ADAM12: variants seen among roughly 807,000 people sequenced by gnomAD.
ADAM12 encodes ADAM metallopeptidase domain 12, also known as disintegrin and metalloproteinase domain-containing protein 12.
ADAM12 carries 70 observed loss-of-function variants against 106.4 expected under a neutral mutation model. The observed-to-expected ratio is 0.66, with a 90% confidence interval of 0.54 to 0.80. The LOEUF is 0.80. Among genes scored for constraint, ADAM12 ranks in the 30% least tolerant of loss-of-function variants. ADAM12 has a pLI of 0.00. For synonymous variants in ADAM12, 420 were observed against 433.5 expected (o/e 0.97, Z 0.39); for missense variants, 1,010 against 1,171.9 (o/e 0.86, Z 2.02).
chr10:126,327,794 A>G (rs1338653468), intron 2 of ADAM12, among the ~76,000 whole-genome samples: 1 of 152,206 alleles, frequency 6.6e-6, no homozygotes, highest in Non-Finnish European at 1.5e-5. Context: ...TACCAGAGAA[A>G]GAAGGTCACA....
intron 3 of ADAM12, among the ~76,000 whole-genome samples, chr10:126,255,121 C>T (rs1958865808): frequency 6.6e-6 from 1 of 152,182 alleles, no homozygotes; most frequent in African/African-American, 2.4e-5. Context: ...ACTTGTCCTG[C>T]AATGCCACCC....
chr10:126,071,434 G>A, intron 12 of ADAM12, 43 bp downstream of exon 12: 1 of 1,602,428 alleles, frequency 6.2e-7, no homozygotes, highest in Non-Finnish European at 8.5e-7. Context: ...CCTAGCCGAG[G>A]ATACAAGTCT....
chr10:126,130,896 G>A (rs986485182), intron 5 of ADAM12, among the ~76,000 whole-genome samples: 1 of 152,136 alleles, frequency 6.6e-6, no homozygotes, highest in African/African-American at 2.4e-5. Flanking sequence ...AGGTAAATAG[G>A]AGCTATTAGG....
chr10:126,039,470 C>A, intron 18 of ADAM12, 41 bp from the exon 19 acceptor site: 1 of 1,612,178 alleles, frequency 6.2e-7, no homozygotes. Context: ...GAGGCAGTTA[C>A]AATGAAATAT....
At chr10:126,375,073 A>T (rs1270556722) in intron 1 of ADAM12, among the ~76,000 whole-genome samples, 2 of 152,158 alleles carry the variant, frequency 1.3e-5, no homozygotes. Flanking sequence ...AAAAGAAAAA[A>T]ATCGCCAACC....
intron 3 of ADAM12, among the ~76,000 whole-genome samples, chr10:126,200,005 C>A (rs1261131219): frequency 6.6e-6 from 1 of 152,190 alleles, no homozygotes; most frequent in East Asian, 1.9e-4. Flanking sequence ...TATAGTCCAT[C>A]AACAGAAGGA....
chr10:126,329,392 G>GT (rs1484828687), intron 2 of ADAM12, among the ~76,000 whole-genome samples: 17 of 151,998 alleles, frequency 1.1e-4, no homozygotes, highest in South Asian at 2.1e-4. Flanking sequence ...CTCTTTTACT[G>GT]TATCTATTAT....
chr10:126,027,295 T>C (rs1953891804), intron 21 of ADAM12, among the ~76,000 whole-genome samples: 1 of 151,486 alleles, frequency 6.6e-6, no homozygotes, highest in African/African-American at 2.4e-5. Context: ...CTACAAGAGG[T>C]AGAAAATAGA....
chr10:126,266,748 T>C (rs1342905949), intron 3 of ADAM12, among the ~76,000 whole-genome samples: 2 of 152,068 alleles, frequency 1.3e-5, no homozygotes, highest in Non-Finnish European at 2.9e-5. Context: ...TCATGGTGGA[T>C]GGCAGAGTGG....
At chr10:126,344,870 T>A (rs1855074953) in intron 1 of ADAM12, among the ~76,000 whole-genome samples, 2 of 152,326 alleles carry the variant, frequency 1.3e-5, no homozygotes, top group South Asian at 4.1e-4. Flanking sequence ...TGCACATTGA[T>A]TTTGTATCCT....
intron 11 of ADAM12, among the ~76,000 whole-genome samples, chr10:126,089,731 A>G (rs1955426827): frequency 6.6e-6 from 1 of 151,866 alleles, no homozygotes; most frequent in Non-Finnish European, 1.5e-5. Flanking sequence ...CACAGCCCCA[A>G]GGCTCCTGGC....
intron 4 of ADAM12, among the ~76,000 whole-genome samples, chr10:126,137,275 G>A (rs1227342862): frequency 6.6e-6 from 1 of 152,144 alleles, no homozygotes; most frequent in Non-Finnish European, 1.5e-5. Context: ...AGCCCACTGA[G>A]ACAGACATCC....
In ADAM12 at chr10:126,101,034, TCC is replaced by T. The variant is rs138885139; in HGVS notation, c.911+36_911+37del. Reference sequence around the variant, plus strand: ...AAACGAAGGGCTTCGCCGAGAGCACTCCTTTTTTTTTTAAGCAGACAAGACGT... The same window carrying T: ...AAACGAAGGGCTTCGCCGAGAGCACTTTTTTTTTTTAAGCAGACAAGACGT... On this transcript the variant is annotated intron_variant, in intron 9 of 22. Coordinates refer to ENST00000448723, the MANE Select transcript of ADAM12 (RefSeq NM_001288973.2). The T allele has an allele frequency of 8.0e-3, 12,906 of 1,605,690 alleles. 233 individuals are homozygous for T. The highest frequency in any genetic ancestry group is 0.065 in the East Asian group (2,901 of 44,688).
chr10:126,074,853 C>G (rs533693189), intron 11 of ADAM12, among the ~76,000 whole-genome samples: 72 of 152,280 alleles, frequency 4.7e-4, no homozygotes, highest in Middle Eastern at 3.4e-3. Context: ...TGAACAGATC[C>G]TTTCTCAGGG....
chr10:126,020,076 G>A (rs375814174), intron 21 of ADAM12, among the ~76,000 whole-genome samples: 6 of 152,208 alleles, frequency 3.9e-5, no homozygotes, highest in African/African-American at 1.4e-4. Flanking sequence ...CTGGGGTAGC[G>A]TTGATGTTGG....
chr10:126,096,443 G>A (rs1230674073), intron 10 of ADAM12, among the ~76,000 whole-genome samples: 1 of 152,226 alleles, frequency 6.6e-6, no homozygotes, highest in Non-Finnish European at 1.5e-5. Context: ...TTTTAGGCCA[G>A]TTAGATAAAA....
At chr10:126,362,050 T>C (rs1590826054) in intron 1 of ADAM12, among the ~76,000 whole-genome samples, 1 of 152,132 alleles carries the variant, frequency 6.6e-6, no homozygotes, top group Non-Finnish European at 1.5e-5. Context: ...TAGGAGTTAA[T>C]ATCCAAAATA....
intron 3 of ADAM12, among the ~76,000 whole-genome samples, chr10:126,278,001 G>T (rs1959355500): frequency 6.6e-6 from 1 of 152,112 alleles, no homozygotes; most frequent in African/African-American, 2.4e-5. Context: ...GTCAGGTTCT[G>T]GGACTCCACA....
intron 5 of ADAM12, among the ~76,000 whole-genome samples, chr10:126,121,237 A>G (rs1427885782): frequency 9.4e-6 from 1 of 105,980 alleles, no homozygotes; most frequent in Non-Finnish European, 1.7e-5. Flanking sequence ...TAGTATATAT[A>G]CTATATAGTA....
Sources: gnomAD v4.1 joint callset for allele counts (sites outside exome capture counted in the v4.1 genomes callset) on GRCh38, gnomAD v4.1.1 for gene constraint, MANE v1.5 for transcripts, NCBI Gene and HGNC (gene_info 2026-07-23, HGNC 2026-07-21) for gene names.